The following ZNF284 variants were observed in gnomAD, a reference collection of about 807,000 sequenced individuals.
ZNF284 encodes zinc finger protein 284.
In ZNF284, 12 loss-of-function variants were observed where a neutral mutation model predicts 12.9. The observed-to-expected ratio is 0.93, with a 90% CI of 0.60 to 1.51. The LOEUF (loss-of-function observed/expected upper bound fraction) is 1.51. Among genes scored for constraint, ZNF284 ranks in the 40% most tolerant of loss-of-function variants. The pLI, the probability that ZNF284 is intolerant of heterozygous loss-of-function variation, is 0.00. For synonymous variants in ZNF284, 225 were observed against 236.5 expected, an observed-to-expected ratio of 0.95 and a Z score of 0.45; for missense variants, 667 against 707.3, an observed-to-expected ratio of 0.94 and a Z score of 0.65.
At chr19:44,076,517 C>A in intron 2 of ZNF284, 113 bp downstream of exon 2, 2 of 1,101,170 alleles carry the variant, frequency 1.8e-6, no homozygotes, top group Non-Finnish European at 2.6e-6. Context: ...ATTTGTGCAC[C>A]TGTTGTGTGC....
chr19:44,074,075 C>A (rs1048556832), intron 1 of ZNF284, among the ~76,000 whole-genome samples: 1 of 151,570 alleles, frequency 6.6e-6, no homozygotes, highest in African/African-American at 2.4e-5. Flanking sequence ...TGATATTGGC[C>A]GGGCATGGTG....
chr19:44,078,514 A>G (rs1295094966), intron 2 of ZNF284, among the ~76,000 whole-genome samples: 2 of 152,140 alleles, frequency 1.3e-5, no homozygotes, highest in African/African-American at 4.8e-5. Context: ...CCTCGGATAG[A>G]GTACAGTGAT....
Position 44,076,405 on chromosome 19 carries a change from G to C in ZNF284, c.15+1G>C. 6.2e-7 allele frequency: 1 copy of C among 1,609,488 alleles called. No homozygotes were observed. Among genetic ancestry groups the C allele is most frequent in the Non-Finnish European group, 8.5e-7 (1 of 1,177,608 alleles). On this transcript the variant is annotated splice_donor_variant, in intron 2 of 4. Transcript: ENST00000421176. LOFTEE classifies it high-confidence loss of function. ...AGGAGGAAAAATGACCATGTTCAAG[G>C]TGAGTAAGTCTGGTCTCTTTTGCTG...
intron 4 of ZNF284, among the ~76,000 whole-genome samples, chr19:44,083,992 T>C (rs1454902331): frequency 6.6e-6 from 1 of 152,136 alleles, no homozygotes; most frequent in Non-Finnish European, 1.5e-5. Context: ...CTTGGGCACC[T>C]GCGGCAGGGT....
chr19:44,076,863 A>G (rs955004308), intron 2 of ZNF284, among the ~76,000 whole-genome samples: 6 of 146,402 alleles, frequency 4.1e-5, no homozygotes, highest in African/African-American at 1.5e-4. Context: ...TCTGTTGCCC[A>G]GACTGGAGTG....
chr19:44,081,987 G>T, intron 3 of ZNF284, 26 bp from the exon 4 acceptor site: 1 of 1,589,810 alleles, frequency 6.3e-7, no homozygotes, highest in African/African-American at 1.3e-5. Context: ...GATGTATTGG[G>T]ATTAAGCATG....
At chr19:44,072,497 G>T (rs866535473) in intron 1 of ZNF284, among the ~76,000 whole-genome samples, 1 of 152,108 alleles carries the variant, frequency 6.6e-6, no homozygotes, top group African/African-American at 2.4e-5. Flanking sequence ...CACAATTTAG[G>T]GTTGGGATGT....
In ZNF284 at chr19:44,072,781, T is replaced by C. The variant is rs114601162; in HGVS notation, c.-69+490T>C. 4.3e-3 allele frequency among the ~76,000 whole-genome samples: 662 copies of C among 152,336 alleles called. 5 individuals are homozygous for C. Among genetic ancestry groups the C allele is most frequent in the African/African-American group, 0.015 (639 of 41,572 alleles). ...ATCCCGGACGCTTCTGACCTCTTTT[T>C]AGGAAGGCGAGGGTTGTTTCCATTT... On this transcript the variant is annotated intron_variant, in intron 1 of 4. Coordinates refer to ENST00000421176, the MANE Select transcript of ZNF284 (RefSeq NM_001037813.4).
intron 4 of ZNF284, among the ~76,000 whole-genome samples, chr19:44,084,133 T>C (rs1174972824): frequency 6.6e-6 from 1 of 152,212 alleles, no homozygotes; most frequent in Non-Finnish European, 1.5e-5. Flanking sequence ...CAGGTGAGCC[T>C]GTCCTCAGGC....
rs903899945 is a variant in ZNF284 at position 44,082,463 on chromosome 19, C to T, written c.235+358C>T. 3.9e-5 allele frequency among the ~76,000 whole-genome samples: 6 copies of T among 152,348 alleles called. No homozygotes were observed. In the East Asian group the frequency reaches 1.2e-3, roughly 29 times the overall value. On this transcript the variant is annotated intron_variant, in intron 4 of 4. Coordinates refer to ENST00000421176, the MANE Select transcript of ZNF284 (RefSeq NM_001037813.4). ...TGACTACATCTCCATTTTCCAGCCACGTTGTACTCCCTGCTGTTTCTCCAT... is the reference window on the plus strand; with the variant it reads ...TGACTACATCTCCATTTTCCAGCCATGTTGTACTCCCTGCTGTTTCTCCAT...
rs1967238917 is a variant in ZNF284 at position 44,086,153 on chromosome 19, C to T, written c.675C>T (p.His225=). The change falls in exon 5 of 5, where the codon CAC becomes CAT. Residue 225 remains histidine, a synonymous_variant. Transcript: ENST00000421176. ...NSQLQTHQRI[H]TGEKPFKCEQ... is the part of the protein sequence containing the mutation. The stretch of plus-strand genomic sequence containing the variant: ...AACTGCAAACTCATCAGAGAATCCA[C>T]ACTGGAGAGAAACCATTCAAATGTG... 1 of 1,614,088 alleles carries T rather than the reference C, an allele frequency of 6.2e-7. No individual in the cohort carries two copies. Among genetic ancestry groups the T allele is most frequent in the Admixed American group, 1.7e-5 (1 of 60,008 alleles).
intron 4 of ZNF284, among the ~76,000 whole-genome samples, chr19:44,083,505 A>ATATAT (rs1599880410): frequency 9.1e-6 from 1 of 109,560 alleles, no homozygotes; most frequent in Admixed American, 8.9e-5. Flanking sequence ...AGAGAGAGGG[A>ATATAT]ATGGAATACC....
At chr19:44,073,708 C>T (rs546836461) in intron 1 of ZNF284, among the ~76,000 whole-genome samples, 2 of 151,872 alleles carry the variant, frequency 1.3e-5, no homozygotes, top group Non-Finnish European at 1.5e-5. Context: ...CCACCACGCC[C>T]GGCTAATTTT....
At chr19:44,081,974 T>C (rs761628141) in intron 3 of ZNF284, 39 bp from the exon 4 acceptor site, 33 of 1,544,118 alleles carry the variant, frequency 2.1e-5, no homozygotes, top group Non-Finnish European at 2.9e-5. Context: ...AAATTTTACC[T>C]AAGATGTATT....
chr19:44,083,135 C>A (rs899114552), intron 4 of ZNF284, among the ~76,000 whole-genome samples: 2 of 151,906 alleles, frequency 1.3e-5, no homozygotes, highest in African/African-American at 4.8e-5. Context: ...CTTCTCTGAC[C>A]ACTCTATTTA....
chr19:44,080,942 A>G, intron 2 of ZNF284, 73 bp from the exon 3 acceptor site: 1 of 1,544,672 alleles, frequency 6.5e-7, no homozygotes, highest in South Asian at 1.2e-5. Flanking sequence ...CATCCCCTTC[A>G]CCTGCTCATT....
chr19:44,085,889 A>G lies in ZNF284; in HGVS notation c.411A>G (p.Leu137=). ...GDVPSQVDAG[L]SIIHIGETPS... ...TCCCCTCCCAGGTTGACGCAGGACT[A>G]TCTATAATTCACATAGGAGAGACAC... is the stretch of plus-strand genomic sequence containing the variant. The change falls in exon 5 of 5, where the codon CTA becomes CTG. Residue 137 remains leucine (L), a synonymous_variant. Coordinates refer to ENST00000421176, the MANE Select transcript of ZNF284 (RefSeq NM_001037813.4). 6.2e-7 allele frequency: 1 copy of G among 1,614,218 alleles called. No homozygotes were observed. The highest frequency in any genetic ancestry group is 2.2e-5 in the East Asian group (1 of 44,884).
chr19:44,085,341 C>T (rs1293765890), intron 4 of ZNF284: 6 of 173,074 alleles, frequency 3.5e-5, no homozygotes, highest in African/African-American at 1.4e-4. Context: ...GACGCAAGCT[C>T]TGGGTGTCTT....
chr19:44,076,719 G>A (rs187594482), intron 2 of ZNF284, among the ~76,000 whole-genome samples: 56 of 151,172 alleles, frequency 3.7e-4, no homozygotes, highest in African/African-American at 1.3e-3. Flanking sequence ...AACTGTATTT[G>A]TATTGATACT....
Sources: gnomAD v4.1 joint callset for allele counts (sites outside exome capture counted in the v4.1 genomes callset) on GRCh38, gnomAD v4.1.1 for gene constraint, MANE v1.5 for transcripts, NCBI Gene and HGNC (gene_info 2026-07-23, HGNC 2026-07-21) for gene names.